ANKRD62: variants seen among roughly 807,000 people sequenced by gnomAD.
The protein encoded by ANKRD62 is ankyrin repeat domain 62.
ANKRD62 carries 61 observed loss-of-function variants against 98.8 expected under a neutral mutation model. The observed-to-expected ratio is 0.62, with a 90% CI of 0.50 to 0.76. ANKRD62 has a LOEUF of 0.76. ANKRD62 is among the 30% of genes least tolerant of loss of function. The pLI, the probability that ANKRD62 is intolerant of heterozygous loss-of-function variation, is 0.00. For missense variants in ANKRD62, 933 were observed against 1,082.9 expected (o/e 0.86, Z 1.94); for synonymous variants, 341 against 367.9 (o/e 0.93, Z 0.84).
At chr18:12,107,169 G>A in intron 7 of ANKRD62, 126 bp from the exon 8 acceptor site, 1 of 350,886 alleles carries the variant, frequency 2.8e-6, no homozygotes, top group Non-Finnish European at 4.9e-6. Flanking sequence ...GTAAGCACAA[G>A]GTATTTTATC....
At chr18:12,116,698 A>T (rs935465577) in intron 10 of ANKRD62, among the ~76,000 whole-genome samples, 5 of 152,196 alleles carry the variant, frequency 3.3e-5, no homozygotes, top group African/African-American at 1.2e-4. Context: ...TGTTTTGCTT[A>T]TGCTAGATTT....
At chr18:12,169,360 G>A in the ANKRD62 span, among the ~76,000 whole-genome samples, 12 of 152,034 alleles carry the variant, frequency 7.9e-5, no homozygotes, top group African/African-American at 2.9e-4. Context: ...GAATTTTGTT[G>A]AAGGCCTTTT....
intron 13 of ANKRD62, among the ~76,000 whole-genome samples, chr18:12,126,784 G>C (rs1909902241): frequency 1.3e-5 from 2 of 152,108 alleles, no homozygotes; most frequent in Non-Finnish European, 2.9e-5. Context: ...AGATTACTTT[G>C]ACAGTTAATT....
the ANKRD62 span, among the ~76,000 whole-genome samples, chr18:12,138,738 G>T: frequency 7.2e-5 from 11 of 152,088 alleles, no homozygotes; most frequent in African/African-American, 2.7e-4. Context: ...TCCTGTATTG[G>T]GTGCATACAT....
chr18:12,094,764 T>A (rs1909141022), intron 1 of ANKRD62, among the ~76,000 whole-genome samples: 3 of 48,906 alleles, frequency 6.1e-5, no homozygotes, highest in Non-Finnish European at 1.1e-4. Context: ...GGGGGTTGGA[T>A]GGAGTGCAGG....
chr18:12,135,176 A>G, the ANKRD62 span, among the ~76,000 whole-genome samples: 1 of 143,236 alleles, frequency 7.0e-6, no homozygotes, highest in East Asian at 2.1e-4. Flanking sequence ...ATATCTCCTA[A>G]TGCTATCCCT....
Position 12,120,579 on chromosome 18 carries a change from A to G in ANKRD62, c.1241-1724A>G, listed in dbSNP as rs150810796. Among the ~76,000 whole-genome samples, 417 of 152,298 alleles carry G rather than the reference A, an allele frequency of 2.7e-3. 2 individuals are homozygous for G. The highest frequency in any genetic ancestry group is 0.02 in the South Asian group (97 of 4,832). ...TAATTGGGTATTGCTTTCTTATAGA[A>G]TCTGTCAGTCTGCATTTTAATTGAG... On this transcript the variant is annotated intron_variant, in intron 10 of 13. Coordinates refer to ENST00000587848, the MANE Select transcript of ANKRD62 (RefSeq NM_001277333.2).
the ANKRD62 span, among the ~76,000 whole-genome samples, chr18:12,146,368 T>C: frequency 6.6e-6 from 1 of 151,918 alleles, no homozygotes; most frequent in Admixed American, 6.6e-5. Context: ...CTTTGGAGAG[T>C]CAGAGGCATC....
chr18:12,159,554 A>C, the ANKRD62 span, among the ~76,000 whole-genome samples: 31,621 of 152,104 alleles, frequency 0.21, 4,243 homozygotes, highest in East Asian at 0.54. Context: ...CAATAAGTAG[A>C]GTCTATAGGT....
chr18:12,140,618 A>G, the ANKRD62 span, among the ~76,000 whole-genome samples: 1 of 152,140 alleles, frequency 6.6e-6, no homozygotes, highest in East Asian at 1.9e-4. Flanking sequence ...TCCACTCCAG[A>G]CCCTGTTTGC....
intron 12 of ANKRD62, among the ~76,000 whole-genome samples, chr18:12,124,639 G>A (rs1413654994): frequency 6.6e-6 from 1 of 151,958 alleles, no homozygotes. Context: ...CAAACATTGT[G>A]AAAAGGAAAT....
intron 7 of ANKRD62, among the ~76,000 whole-genome samples, chr18:12,105,252 A>G (rs1909388002): frequency 1.3e-5 from 2 of 152,278 alleles, no homozygotes; most frequent in Non-Finnish European, 2.9e-5. Flanking sequence ...ACAAACCATT[A>G]TATCATAATT....
the ANKRD62 span, among the ~76,000 whole-genome samples, chr18:12,163,379 T>G: frequency 6.6e-6 from 1 of 152,100 alleles, no homozygotes; most frequent in Non-Finnish European, 1.5e-5. Flanking sequence ...TCAATTTGTT[T>G]GTCAGTTCTA....
chr18:12,105,484 A>G (rs1472458811), intron 7 of ANKRD62, among the ~76,000 whole-genome samples: 1 of 152,204 alleles, frequency 6.6e-6, no homozygotes, highest in Non-Finnish European at 1.5e-5. Flanking sequence ...GGTGCACAGT[A>G]TGAGCTGTCA....
intron 6 of ANKRD62, 114 bp downstream of exon 6, chr18:12,099,796 G>A (rs1300994907): frequency 8.7e-6 from 4 of 458,610 alleles, no homozygotes; most frequent in South Asian, 9.2e-5. Context: ...TAAATTGAAT[G>A]TATATTTTTT....
At chr18:12,115,970 C>G (rs1000197654) in intron 10 of ANKRD62, among the ~76,000 whole-genome samples, 4 of 152,174 alleles carry the variant, frequency 2.6e-5, no homozygotes, top group African/African-American at 9.6e-5. Context: ...TGCCACTTGT[C>G]ATTGCTATAA....
chr18:12,167,840 G>A, the ANKRD62 span, among the ~76,000 whole-genome samples: 1 of 152,250 alleles, frequency 6.6e-6, no homozygotes, highest in African/African-American at 2.4e-5. Context: ...GTGTGAGATG[G>A]TATCTCATTG....
chr18:12,120,165 GTTGT>G (rs1168186493), intron 10 of ANKRD62, among the ~76,000 whole-genome samples: 1 of 152,172 alleles, frequency 6.6e-6, no homozygotes, highest in Admixed American at 6.5e-5. Flanking sequence ...AAAGCATGGT[GTTGT>G]TTAAGTCTGC....
At chr18:12,112,890 A>G (rs1041642536) in intron 8 of ANKRD62, among the ~76,000 whole-genome samples, 1 of 152,174 alleles carries the variant, frequency 6.6e-6, no homozygotes, top group African/African-American at 2.4e-5. Context: ...GGCAAAGGAC[A>G]TGAACAGATT....
Sources: gnomAD v4.1 joint callset for allele counts (sites outside exome capture counted in the v4.1 genomes callset) on GRCh38, gnomAD v4.1.1 for gene constraint, MANE v1.5 for transcripts, NCBI Gene and HGNC (gene_info 2026-07-23, HGNC 2026-07-21) for gene names.